CROCC2: variants seen among roughly 807,000 people sequenced by gnomAD.
CROCC2 encodes ciliary rootlet coiled-coil protein 2.
In CROCC2, 163 loss-of-function variants were observed where a neutral mutation model predicts 177.6. That is an observed-to-expected ratio of 0.92 (90% CI 0.81 to 1.05). The LOEUF is 1.05. Ranked by LOEUF, CROCC2 falls within the 50% of genes least tolerant of loss-of-function variation. The probability of loss-of-function intolerance (pLI) is 0.00; values close to 1 mark genes in which losing one functional copy is unlikely to be tolerated. For synonymous variants in CROCC2, 904 were observed against 787.3 expected (o/e 1.15, Z -2.48); for missense variants, 1,929 against 1,797.8 (o/e 1.07, Z -1.32).
In CROCC2 at chr2:240,959,451, G is replaced by A; in HGVS notation, c.3087+7G>A. Reference sequence around the variant, plus strand: ...GGGCGATGTGGAGAGAGAGGTGAGAGGCAGGGCTGGGGGGCTCCTGGGGAT... The same window carrying A: ...GGGCGATGTGGAGAGAGAGGTGAGAAGCAGGGCTGGGGGGCTCCTGGGGAT... On this transcript the variant is annotated splice_region_variant and intron_variant, in intron 20 of 31. Transcript: ENST00000690015. 1 of 1,549,852 alleles carries A rather than the reference G, an allele frequency of 6.5e-7. No homozygotes were observed.
chr2:240,932,412 C>T lies in CROCC2; in HGVS notation c.1042C>T (p.Leu348=), dbSNP rs1263205743. 1.4e-6 allele frequency: 1 copy of T among 717,354 alleles called. No homozygotes were observed. Among genetic ancestry groups the T allele is most frequent in the Non-Finnish European group, 2.6e-6 (1 of 385,072 alleles). 44.4% of individuals were successfully genotyped at this position (717,354 alleles called of 1,614,324 possible). A position where few individuals can be genotyped will look rare whatever the true frequency, so the allele number is the denominator to read the frequency against. The change falls in exon 8 of 32, where the codon CTG becomes TTG. Residue 348 remains leucine, a splice_region_variant and synonymous_variant. Transcript: ENST00000690015. ...IAALRTDLQN[L]VAQEDARCLE... ...TGCCCTCAGAACCGACCTGCAGAACCTGGTTGGTGGGCAGGACGGGGGTGG... is the reference window on the plus strand; with the variant it reads ...TGCCCTCAGAACCGACCTGCAGAACTTGGTTGGTGGGCAGGACGGGGGTGG...
intron 5 of CROCC2, among the ~76,000 whole-genome samples, chr2:240,926,467 T>C (rs979981210): frequency 6.6e-6 from 1 of 152,110 alleles, no homozygotes; most frequent in Non-Finnish European, 1.5e-5. Flanking sequence ...ACCGTGGCTC[T>C]CCAGCCAGGC....
Position 240,950,595 on chromosome 2 carries a change from C to T in CROCC2, c.2829+85C>T, listed in dbSNP as rs2059548759. The T allele has an allele frequency of 2.1e-6, 3 of 1,429,040 alleles. No homozygotes were observed. In the Admixed American group the frequency reaches 6.8e-5, roughly 32 times the overall value. The allele number at this position is 1,429,040 out of a possible 1,614,324, so 88.5% of individuals were successfully genotyped here. ...GCCCAGCACAAGGGCTGCATGTGGCCACACCTTAGGCAGGTCCAACCGCCT... is the reference window on the plus strand; with the variant it reads ...GCCCAGCACAAGGGCTGCATGTGGCTACACCTTAGGCAGGTCCAACCGCCT... On this transcript the variant is annotated intron_variant, in intron 18 of 31. Coordinates refer to ENST00000690015, the MANE Select transcript of CROCC2 (RefSeq NM_001351305.2).
At chr2:240,950,651 C>T in intron 18 of CROCC2, 141 bp downstream of exon 18, 3 of 830,444 alleles carry the variant, frequency 3.6e-6, no homozygotes, top group Non-Finnish European at 5.5e-6. Flanking sequence ...ATCCATCCAA[C>T]CATCCGTCCA....
At chr2:240,959,729 G>T (rs1210227041) in intron 20 of CROCC2, 2 of 326,750 alleles carry the variant, frequency 6.1e-6, no homozygotes, top group African/African-American at 2.1e-5. Context: ...TCAGGGGAAA[G>T]AAGGCATCAT....
rs2059731836 is a variant in CROCC2 at position 240,972,916 on chromosome 2, G to A, written c.4401+4654G>A. Among the ~76,000 whole-genome samples the A allele has an allele frequency of 6.6e-6, 1 of 151,990 alleles. No homozygotes were observed. Among genetic ancestry groups the A allele is most frequent in the African/African-American group, 2.4e-5 (1 of 41,396 alleles). ...CCGCTTTTGACACACAGCAAACCCA[G>A]GCAGAGAGCTCAGGGTTGAAATTTT... is the stretch of plus-strand genomic sequence containing the variant. On this transcript the variant is annotated intron_variant, in intron 27 of 31. Coordinates refer to ENST00000690015, the MANE Select transcript of CROCC2 (RefSeq NM_001351305.2). This position sits in a 1 kb window ranked among gnomAD's most constrained non-coding sequence, Gnocchi z 7.1.
chr2:240,974,618 C>T (rs1201853992), intron 27 of CROCC2, among the ~76,000 whole-genome samples: 1 of 150,960 alleles, frequency 6.6e-6, no homozygotes, highest in East Asian at 1.9e-4. Context: ...GATCCACCCA[C>T]CTCAGCCTCC....
In CROCC2 at chr2:240,935,992, T is replaced by C. The variant is rs146382807; in HGVS notation, c.2169+404T>C. On this transcript the variant is annotated intron_variant, in intron 14 of 31. Coordinates refer to ENST00000690015, the MANE Select transcript of CROCC2 (RefSeq NM_001351305.2). Reference sequence around the variant, plus strand: ...TTATTCCCAATTTCCCCATCTTTTGTTGAGGAAGCTCAACTCACTGGAGAA... The same window carrying C: ...TTATTCCCAATTTCCCCATCTTTTGCTGAGGAAGCTCAACTCACTGGAGAA... Among the ~76,000 whole-genome samples, 12 of 151,418 alleles carry C rather than the reference T, an allele frequency of 7.9e-5. 1 individual carries two copies. In the East Asian group the frequency reaches 1.8e-3, roughly 22 times the overall value.
intron 18 of CROCC2, among the ~76,000 whole-genome samples, chr2:240,952,731 G>A (rs1160042386): frequency 6.6e-6 from 1 of 152,204 alleles, no homozygotes; most frequent in African/African-American, 2.4e-5. Flanking sequence ...GACGGGCCTT[G>A]GGCGCCAGCA....
rs942000231 is a variant in CROCC2, at chr2:240,917,462, C to T, written c.79-1264C>T. The stretch of plus-strand genomic sequence containing the variant: ...CCAGCCCAGGCCTGAGGTCAGAGTC[C>T]GGGGACGCAAGCAGGGTCTCAGGGA... On this transcript the variant is annotated intron_variant, in intron 1 of 31. Coordinates refer to ENST00000690015, the MANE Select transcript of CROCC2 (RefSeq NM_001351305.2). The surrounding 1 kb of genome is among the most constrained non-coding windows in gnomAD (Gnocchi z 4.9). 3.3e-5 allele frequency among the ~76,000 whole-genome samples: 5 copies of T among 152,092 alleles called. No homozygotes were observed. Among genetic ancestry groups the T allele is most frequent in the Admixed American group, 6.5e-5 (1 of 15,272 alleles).
At chr2:240,941,802 G>A (rs963499898) in intron 14 of CROCC2, among the ~76,000 whole-genome samples, 1 of 152,138 alleles carries the variant, frequency 6.6e-6, no homozygotes, top group African/African-American at 2.4e-5. Flanking sequence ...CCAAAATGTA[G>A]GTGTTGAAAC....
In CROCC2 at chr2:240,972,026, G is replaced by A. The variant is rs1027525198; in HGVS notation, c.4401+3764G>A. Among the ~76,000 whole-genome samples, 1 of 152,084 alleles carries A rather than the reference G, an allele frequency of 6.6e-6. No individual in the cohort carries two copies. The highest frequency in any genetic ancestry group is 2.4e-5 in the African/African-American group (1 of 41,434). ...CACTAGTTACCATCTTCTGGTGTGT[G>A]TCAGTAGCTCACTTCTCTGTTTAAT... On this transcript the variant is annotated intron_variant, in intron 27 of 31. Transcript: ENST00000690015. This position sits in a 1 kb window ranked among gnomAD's most constrained non-coding sequence, Gnocchi z 7.1.
chr2:240,974,471 A>G (rs1449797071), intron 27 of CROCC2, among the ~76,000 whole-genome samples: 2 of 149,748 alleles, frequency 1.3e-5, no homozygotes, highest in African/African-American at 2.5e-5. Flanking sequence ...CCTCTTGAGT[A>G]GCTGGGACTA....
chr2:240,935,291 G>A, intron 13 of CROCC2, 67 bp from the exon 14 acceptor site: 1 of 1,302,510 alleles, frequency 7.7e-7, no homozygotes, highest in Non-Finnish European at 9.9e-7. Context: ...CAGGCCTTGG[G>A]GATGGCTGGC....
intron 4 of CROCC2, among the ~76,000 whole-genome samples, chr2:240,924,947 GCC>G (rs1186650192): frequency 5.2e-4 from 7 of 13,578 alleles, no homozygotes; most frequent in East Asian, 1.7e-3. Flanking sequence ...CACTGACCCA[GCC>G]CCCACACTAA....
chr2:240,967,550 C>T (rs2106481340), intron 26 of CROCC2, 85 bp downstream of exon 26: 1 of 1,522,960 alleles, frequency 6.6e-7, no homozygotes, highest in Non-Finnish European at 8.9e-7. Flanking sequence ...CGGCTATAAG[C>T]TTTCAGTCCC....
intron 1 of CROCC2, among the ~76,000 whole-genome samples, chr2:240,916,972 C>T (rs1047992688): frequency 2.0e-5 from 3 of 152,182 alleles, no homozygotes; most frequent in Non-Finnish European, 4.4e-5. Context: ...CACCTGGGTC[C>T]CAGCTGGGCC....
chr2:240,947,624 G>C (rs2059531257), intron 15 of CROCC2, among the ~76,000 whole-genome samples: 2 of 152,224 alleles, frequency 1.3e-5, no homozygotes, highest in Admixed American at 1.3e-4. Flanking sequence ...GAGCTCGCAG[G>C]TAACATTCAG....
chr2:240,985,704 T>C (rs1355918347), intron 28 of CROCC2, among the ~76,000 whole-genome samples: 1 of 34,058 alleles, frequency 2.9e-5, no homozygotes, highest in Non-Finnish European at 5.2e-5. Context: ...AGGCACTCAC[T>C]CCACACACAC....
Sources: gnomAD v4.1 joint callset for allele counts (sites outside exome capture counted in the v4.1 genomes callset) on GRCh38, gnomAD v4.1.1 for gene constraint, Gnocchi (gnomAD v3.1) non-coding constraint, MANE v1.5 for transcripts, NCBI Gene and HGNC (gene_info 2026-07-23, HGNC 2026-07-21) for gene names.